Variants in PABPC4L observed in about 807,000 individuals in gnomAD.
The protein encoded by PABPC4L is polyadenylate-binding protein 4-like.
For missense variants in PABPC4L, 452 were observed against 451.4 expected, an observed-to-expected ratio of 1.00 and a Z score of -0.01; for synonymous variants, 169 against 164.1, an observed-to-expected ratio of 1.03 and a Z score of -0.23.
At chr4:133,956,984 T>C in the PABPC4L span, among the ~76,000 whole-genome samples, 2 of 152,248 alleles carry the variant, frequency 1.3e-5, no homozygotes, top group South Asian at 2.1e-4. Context: ...ATTTTAGATG[T>C]GATTTGGGTG....
At chr4:134,072,517 A>G in the PABPC4L span, among the ~76,000 whole-genome samples, 1 of 152,180 alleles carries the variant, frequency 6.6e-6, no homozygotes, top group African/African-American at 2.4e-5. Context: ...TCTACATTTT[A>G]TAACAACCTG....
chr4:134,098,261 A>G, the PABPC4L span, among the ~76,000 whole-genome samples: 6 of 151,726 alleles, frequency 4.0e-5, no homozygotes, highest in Non-Finnish European at 8.8e-5. Context: ...TGTAATATTT[A>G]TTACACAAAT....
At chr4:133,992,093 G>T in the PABPC4L span, among the ~76,000 whole-genome samples, 5 of 152,148 alleles carry the variant, frequency 3.3e-5, no homozygotes, top group Admixed American at 3.3e-4. Flanking sequence ...CTCTATTTGG[G>T]GTCTGGGATG....
At chr4:134,017,969 A>T in the PABPC4L span, among the ~76,000 whole-genome samples, 1 of 152,122 alleles carries the variant, frequency 6.6e-6, no homozygotes, top group Admixed American at 6.5e-5. Flanking sequence ...ATAAGAAGAC[A>T]GGAATGTCAG....
At chr4:134,123,226 A>G in the PABPC4L span, among the ~76,000 whole-genome samples, 1 of 152,024 alleles carries the variant, frequency 6.6e-6, no homozygotes, top group Non-Finnish European at 1.5e-5. Flanking sequence ...AAGGTTATTC[A>G]ACACACATGT....
the PABPC4L span, among the ~76,000 whole-genome samples, chr4:133,963,394 G>C: frequency 6.6e-6 from 1 of 152,148 alleles, no homozygotes; most frequent in African/African-American, 2.4e-5. Context: ...AATAACAGTG[G>C]AAAACTTCAG....
the PABPC4L span, among the ~76,000 whole-genome samples, chr4:134,130,381 A>T: frequency 6.6e-6 from 1 of 152,138 alleles, no homozygotes; most frequent in Non-Finnish European, 1.5e-5. Flanking sequence ...ACAAAAGATC[A>T]TTCAAGGCTA....
chr4:134,150,990 A>G, the PABPC4L span, among the ~76,000 whole-genome samples: 1 of 152,210 alleles, frequency 6.6e-6, no homozygotes, highest in Non-Finnish European at 1.5e-5. Flanking sequence ...TTGCAAAAAT[A>G]GAATGGATTA....
chr4:134,190,461 T>A, the PABPC4L span, among the ~76,000 whole-genome samples: 1 of 152,164 alleles, frequency 6.6e-6, no homozygotes, highest in East Asian at 1.9e-4. Flanking sequence ...ATTCTTAATT[T>A]TCTTCTACTT....
the PABPC4L span, among the ~76,000 whole-genome samples, chr4:134,072,438 G>A: frequency 6.6e-6 from 1 of 152,176 alleles, no homozygotes; most frequent in Admixed American, 6.5e-5. Context: ...GGCATAAAAT[G>A]TGACTCCATA....
At chr4:134,041,644 C>T in the PABPC4L span, among the ~76,000 whole-genome samples, 9 of 151,928 alleles carry the variant, frequency 5.9e-5, no homozygotes, top group South Asian at 2.1e-4. Context: ...AGCAAACCAC[C>T]GTGGCACGTG....
chr4:134,152,639 A>G, the PABPC4L span, among the ~76,000 whole-genome samples: 59 of 151,872 alleles, frequency 3.9e-4, no homozygotes, highest in Non-Finnish European at 6.8e-4. Flanking sequence ...AACGCTTCCA[A>G]CCTCTCCCCA....
the PABPC4L span, among the ~76,000 whole-genome samples, chr4:133,979,913 G>A: frequency 6.6e-6 from 1 of 151,922 alleles, no homozygotes; most frequent in Non-Finnish European, 1.5e-5. Flanking sequence ...TCCATTGTAG[G>A]CTACAATAAT....
the PABPC4L span, among the ~76,000 whole-genome samples, chr4:133,987,666 G>A: frequency 6.6e-6 from 1 of 152,002 alleles, no homozygotes; most frequent in Non-Finnish European, 1.5e-5. Context: ...ACAAACATAG[G>A]AGTAAAAAAT....
chr4:134,146,255 T>A, the PABPC4L span, among the ~76,000 whole-genome samples: 1 of 151,968 alleles, frequency 6.6e-6, no homozygotes, highest in African/African-American at 2.4e-5. Flanking sequence ...TACATTCTCA[T>A]GTCTAATGTC....
the PABPC4L span, among the ~76,000 whole-genome samples, chr4:134,054,252 GTATATATATATATATATATATATA>G: frequency 1.1e-4 from 10 of 93,784 alleles, no homozygotes; most frequent in Admixed American, 2.3e-4. Flanking sequence ...AGTTGTATAT[GTATATATATATATATATATATATA>G]TATATATATA....
the PABPC4L span, among the ~76,000 whole-genome samples, chr4:134,178,885 A>C: frequency 6.6e-6 from 1 of 152,154 alleles, no homozygotes; most frequent in Non-Finnish European, 1.5e-5. Flanking sequence ...TCTGAGGAAA[A>C]AAATGGGATT....
chr4:133,963,039 T>C, the PABPC4L span, among the ~76,000 whole-genome samples: 78 of 152,244 alleles, frequency 5.1e-4, no homozygotes, highest in Admixed American at 9.8e-4. Context: ...ACTTAAAAGA[T>C]ACAGAACTGC....
chr4:133,995,738 C>T, the PABPC4L span, among the ~76,000 whole-genome samples: 3 of 152,142 alleles, frequency 2.0e-5, no homozygotes, highest in Non-Finnish European at 4.4e-5. Context: ...TGGAGCATAG[C>T]AGCTGTTACG....
Sources: gnomAD v4.1 joint callset for allele counts (sites outside exome capture counted in the v4.1 genomes callset) on GRCh38, gnomAD v4.1.1 for gene constraint, MANE v1.5 for transcripts, NCBI Gene and HGNC (gene_info 2026-07-23, HGNC 2026-07-21) for gene names.